MSTO1: variants seen among roughly 807,000 people sequenced by gnomAD.
The protein encoded by MSTO1 is protein misato homolog 1.
In MSTO1, 24 loss-of-function variants were observed where a neutral mutation model predicts 55.7. The ratio of observed to expected loss-of-function variants is 0.43; its 90% confidence interval spans 0.31 to 0.61. The LOEUF (loss-of-function observed/expected upper bound fraction) is 0.61, where lower values mean the gene tolerates loss of function less well. Ranked by LOEUF, MSTO1 falls within the 20% of genes least tolerant of loss-of-function variation. MSTO1 has a pLI of 0.09. For synonymous variants in MSTO1, 162 were observed against 252.8 expected (o/e 0.64, Z 3.41); for missense variants, 363 against 625.7 (o/e 0.58, Z 4.48).
chr1:155,584,670 CAAAAAAAAAAAA>C, the MSTO1 span, among the ~76,000 whole-genome samples: 4 of 72,868 alleles, frequency 5.5e-5, no homozygotes, highest in Admixed American at 2.1e-4. Flanking sequence ...GAGCTTGTCT[CAAAAAAAAAAAA>C]AAAAAAAAAA....
chr1:155,609,245 T>TATA (rs1673298925), upstream of MSTO1, among the ~76,000 whole-genome samples: 7 of 67,772 alleles, frequency 1.0e-4, no homozygotes, highest in African/African-American at 2.1e-4. Flanking sequence ...ATATATATAT[T>TATA]TTTTTTTTTT....
chr1:155,613,234 G>A lies in MSTO1; in HGVS notation c.1283+1G>A. On this transcript the variant is annotated splice_donor_variant, in intron 11 of 13. Coordinates refer to ENST00000245564, the MANE Select transcript of MSTO1 (RefSeq NM_018116.4). LOFTEE classifies it high-confidence loss of function. ...GTATAGACAGAGCATGCCACACAAGGTGAGAGCTGTTGGTCCTTAGGAGTC... is the reference window on the plus strand; with the variant it reads ...GTATAGACAGAGCATGCCACACAAGATGAGAGCTGTTGGTCCTTAGGAGTC... 6.2e-7 allele frequency: 1 copy of A among 1,612,672 alleles called. No individual in the cohort carries two copies. The highest frequency in any genetic ancestry group is 1.1e-5 in the South Asian group (1 of 91,008).
chr1:155,590,592 A>G, the MSTO1 span: 3 of 1,272,920 alleles, frequency 2.4e-6, no homozygotes, highest in South Asian at 4.4e-5. Flanking sequence ...GCCCCCATTC[A>G]CTTCCATGTC....
chr1:155,610,225 G>C lies in MSTO1; in HGVS notation c.-24G>C, dbSNP rs535768101. The C allele has an allele frequency of 6.6e-6, 4 of 608,766 alleles. No individual in the cohort carries two copies. The highest frequency in any genetic ancestry group is 2.9e-5 in the Admixed American group (1 of 34,728). 37.7% of individuals were successfully genotyped at this position (608,766 alleles called of 1,614,324 possible). On this transcript the variant is annotated 5_prime_UTR_variant, in exon 1 of 14. Transcript: ENST00000245564. ...GCAGCGAGCGGCGCGGCTGAGGCGCGGCGGCCCCGTGGAGCAGCGCAGTAT... is the reference window on the plus strand; with the variant it reads ...GCAGCGAGCGGCGCGGCTGAGGCGCCGCGGCCCCGTGGAGCAGCGCAGTAT...
the MSTO1 span, among the ~76,000 whole-genome samples, chr1:155,565,213 T>C: frequency 1.1e-4 from 16 of 151,398 alleles, no homozygotes; most frequent in East Asian, 3.1e-3. Flanking sequence ...GAGAGTCGCT[T>C]GAACCCAGGA....
the MSTO1 span, chr1:155,601,990 G>A: frequency 4.9e-6 from 2 of 408,438 alleles, no homozygotes; most frequent in East Asian, 6.4e-5. Context: ...TCCTGACCTC[G>A]TGATCCGCCC....
At chr1:155,563,312 A>G in the MSTO1 span, 1 of 455,834 alleles carries the variant, frequency 2.2e-6, no homozygotes, top group Non-Finnish European at 4.4e-6. Context: ...AGTCAGGAGA[A>G]CTAGTCCTCG....
the MSTO1 span, chr1:155,586,649 G>A: frequency 3.4e-5 from 16 of 472,730 alleles, no homozygotes; most frequent in East Asian, 5.2e-4. Context: ...TTTTTTTTAA[G>A]AGTACAAGGA....
the MSTO1 span, among the ~76,000 whole-genome samples, chr1:155,597,881 A>T: frequency 3.4e-5 from 5 of 148,958 alleles, no homozygotes; most frequent in Admixed American, 6.7e-5. Context: ...CCGTGGCGCG[A>T]TCTCGGCTCA....
chr1:155,611,433 G>C, intron 4 of MSTO1, 116 bp from the exon 5 acceptor site: 3 of 1,604,878 alleles, frequency 1.9e-6, no homozygotes, highest in Non-Finnish European at 2.6e-6. Flanking sequence ...TAAGGACTGC[G>C]ACTCGGTGAA....
At chr1:155,607,178 TTTTG>T (rs1033171329), upstream of MSTO1, among the ~76,000 whole-genome samples, 36 of 150,318 alleles carry the variant, frequency 2.4e-4, no homozygotes, top group African/African-American at 2.7e-4. Flanking sequence ...AATTTAGGTT[TTTTG>T]TTTGTTTGTT....
the MSTO1 span, among the ~76,000 whole-genome samples, chr1:155,567,306 T>A: frequency 6.7e-6 from 1 of 148,388 alleles, no homozygotes; most frequent in Non-Finnish European, 1.5e-5. Context: ...CTAATTTTTG[T>A]AATTTTTTTT....
upstream of MSTO1, among the ~76,000 whole-genome samples, chr1:155,609,377 C>A (rs1197353883): frequency 6.7e-6 from 1 of 150,022 alleles, no homozygotes; most frequent in Non-Finnish European, 1.5e-5. Flanking sequence ...TCCCGAGTAG[C>A]TGGGACTACA....
rs778044331 is a variant in MSTO1 at position 155,612,235 on chromosome 1, G to C, written c.732G>C (p.Lys244Asn). 9.4e-6 allele frequency: 15 copies of C among 1,603,260 alleles called. No homozygotes were observed. Among genetic ancestry groups the C allele is most frequent in the Non-Finnish European group, 1.3e-5 (15 of 1,174,484 alleles). The change falls in exon 8 of 14, where the codon AAG (lysine) becomes AAC (asparagine). Residue 244 changes from lysine (K) to asparagine (N), a missense_variant. Lys to Asn is a moderately conservative substitution (Grantham distance 94, BLOSUM62 0). Coordinates refer to ENST00000245564, the MANE Select transcript of MSTO1 (RefSeq NM_018116.4). ...LHDGFSGVGA[K>N]AAELLQDEYS... Reference sequence around the variant, plus strand: ...ATGGCTTCTCTGGGGTAGGCGCGAAGGCGGCAGAGCTGCTACAAGATGAAT... The same window carrying C: ...ATGGCTTCTCTGGGGTAGGCGCGAACGCGGCAGAGCTGCTACAAGATGAAT...
the MSTO1 span, among the ~76,000 whole-genome samples, chr1:155,579,675 G>A: frequency 6.6e-6 from 1 of 152,132 alleles, no homozygotes; most frequent in Non-Finnish European, 1.5e-5. Flanking sequence ...GTAAGATAAT[G>A]CCTTTAATTT....
At chr1:155,602,629 A>G in the MSTO1 span, among the ~76,000 whole-genome samples, 1 of 152,170 alleles carries the variant, frequency 6.6e-6, no homozygotes, top group Non-Finnish European at 1.5e-5. Context: ...GAGAACTGAT[A>G]CTGGAGTTGG....
At chr1:155,563,259 CGCT>C in the MSTO1 span, 7 of 456,450 alleles carry the variant, frequency 1.5e-5, no homozygotes, top group Non-Finnish European at 8.8e-6. Context: ...GTAGCAGGAC[CGCT>C]GCTGTGGAGC....
At chr1:155,612,757 C>T (rs1674542456) in intron 9 of MSTO1, 87 bp from the exon 10 acceptor site, 36 of 1,551,278 alleles carry the variant, frequency 2.3e-5, no homozygotes, top group Non-Finnish European at 3.1e-5. Flanking sequence ...TGATTCGTCC[C>T]CTGGGTCTCT....
the MSTO1 span, among the ~76,000 whole-genome samples, chr1:155,604,680 C>A: frequency 0.31 from 46,640 of 150,744 alleles, 7,621 homozygotes; most frequent in East Asian, 0.7. Flanking sequence ...CTTCAAAGCC[C>A]GTCTGGGCAA....
Sources: allele counts gnomAD v4.1 joint callset (sites outside exome capture counted in the v4.1 genomes callset), GRCh38; gene constraint gnomAD v4.1.1; transcripts MANE v1.5; gene names NCBI Gene and HGNC (gene_info 2026-07-23, HGNC 2026-07-21).